NECAB1: variants seen among roughly 807,000 people sequenced by gnomAD.
NECAB1 encodes N-terminal EF-hand calcium-binding protein 1.
NECAB1 carries 29 observed loss-of-function variants against 57.5 expected under a neutral mutation model. That is an observed-to-expected ratio of 0.50 (90% CI 0.38 to 0.69). The LOEUF is 0.69. Among genes scored for constraint, NECAB1 ranks in the 30% least tolerant of loss-of-function variants. The probability of loss-of-function intolerance (pLI) is 0.00; values close to 1 mark genes in which losing one functional copy is unlikely to be tolerated. For missense variants in NECAB1, 372 were observed against 413.8 expected (o/e 0.90, Z 0.88); for synonymous variants, 142 against 147.7 (o/e 0.96, Z 0.28).
chr8:90,818,133 A>G (rs1414432434), intron 2 of NECAB1, among the ~76,000 whole-genome samples: 1 of 151,910 alleles, frequency 6.6e-6, no homozygotes, highest in Non-Finnish European at 1.5e-5. Flanking sequence ...AACAACAATG[A>G]TTAACTCTTC....
At chr8:90,847,895 C>A (rs545656960) in intron 3 of NECAB1, among the ~76,000 whole-genome samples, 1 of 152,328 alleles carries the variant, frequency 6.6e-6, no homozygotes, top group Admixed American at 6.5e-5. Context: ...GGCCTCCAGG[C>A]CTGTGATGGG....
chr8:90,816,980 T>A (rs921358046), intron 2 of NECAB1, among the ~76,000 whole-genome samples: 4 of 151,746 alleles, frequency 2.6e-5, no homozygotes, highest in Admixed American at 2.6e-4. Context: ...AGATCCTATT[T>A]AATTTCTTTC....
At chr8:90,902,302 C>T (rs761987842) in intron 5 of NECAB1, among the ~76,000 whole-genome samples, 1 of 152,134 alleles carries the variant, frequency 6.6e-6, no homozygotes, top group East Asian at 1.9e-4. Flanking sequence ...TGCCTGTAGT[C>T]CCAACTATTC....
chr8:90,934,273 T>C, intron 8 of NECAB1, 31 bp from the exon 9 acceptor site: 2 of 1,478,002 alleles, frequency 1.4e-6, no homozygotes, highest in African/African-American at 1.4e-5. Flanking sequence ...TAATTTTTTT[T>C]CTTTTCTGCC....
chr8:90,886,107 T>C (rs1808979858), intron 5 of NECAB1, among the ~76,000 whole-genome samples: 1 of 152,194 alleles, frequency 6.6e-6, no homozygotes, highest in Non-Finnish European at 1.5e-5. Context: ...GAAATTTAAT[T>C]AGAAAATAAG....
chr8:90,810,002 C>T (rs1180546018), intron 2 of NECAB1, among the ~76,000 whole-genome samples: 2 of 152,158 alleles, frequency 1.3e-5, no homozygotes, highest in Non-Finnish European at 2.9e-5. Context: ...AAGGAAGATA[C>T]TGTCATTGTC....
chr8:90,952,114 G>A (rs563170973), intron 12 of NECAB1, among the ~76,000 whole-genome samples: 2 of 152,156 alleles, frequency 1.3e-5, no homozygotes, highest in Admixed American at 6.5e-5. Flanking sequence ...AGTTTTGAAA[G>A]GGATGGTGAC....
intron 3 of NECAB1, among the ~76,000 whole-genome samples, chr8:90,870,993 C>G (rs1205725448): frequency 3.3e-5 from 5 of 152,088 alleles, no homozygotes; most frequent in Admixed American, 3.3e-4. Context: ...GAATGAAATA[C>G]TGAGTTTAAA....
chr8:90,920,463 G>A (rs1810080210), intron 6 of NECAB1, among the ~76,000 whole-genome samples: 3 of 152,166 alleles, frequency 2.0e-5, no homozygotes, highest in Non-Finnish European at 4.4e-5. Context: ...GATAGAGAGA[G>A]AAAAACTATA....
intron 5 of NECAB1, among the ~76,000 whole-genome samples, chr8:90,905,139 C>A (rs1809607627): frequency 6.6e-6 from 1 of 152,036 alleles, no homozygotes; most frequent in African/African-American, 2.4e-5. Context: ...AGAGAATTTG[C>A]AAAACTTAAC....
At chr8:90,832,234 A>T (rs1563499392) in intron 3 of NECAB1, among the ~76,000 whole-genome samples, 2 of 152,004 alleles carry the variant, frequency 1.3e-5, no homozygotes, top group African/African-American at 4.8e-5. Context: ...GGTTTTAAAA[A>T]CTCTTCTTTC....
At chr8:90,877,401 T>C (rs573431432) in intron 4 of NECAB1, among the ~76,000 whole-genome samples, 3 of 152,290 alleles carry the variant, frequency 2.0e-5, no homozygotes, top group African/African-American at 7.2e-5. Context: ...CCATTGCCCA[T>C]AGTGGTCTCG....
intron 1 of NECAB1, among the ~76,000 whole-genome samples, chr8:90,799,306 T>C (rs1427081520): frequency 6.6e-6 from 1 of 152,174 alleles, no homozygotes; most frequent in Non-Finnish European, 1.5e-5. Context: ...TTTAATTAGG[T>C]CCCACTTGTC....
chr8:90,819,122 C>T (rs1812104102), intron 2 of NECAB1, among the ~76,000 whole-genome samples: 1 of 151,844 alleles, frequency 6.6e-6, no homozygotes, highest in African/African-American at 2.4e-5. Context: ...ATTTCTGTAA[C>T]AGTTTTTATT....
At chr8:90,867,041 G>A (rs1389853506) in intron 3 of NECAB1, among the ~76,000 whole-genome samples, 2 of 152,104 alleles carry the variant, frequency 1.3e-5, no homozygotes, top group South Asian at 2.1e-4. Context: ...AGAAAACGTG[G>A]CACATCTACT....
At chr8:90,835,099 C>T (rs1384993597) in intron 3 of NECAB1, among the ~76,000 whole-genome samples, 1 of 151,696 alleles carries the variant, frequency 6.6e-6, no homozygotes, top group Non-Finnish European at 1.5e-5. Flanking sequence ...ATATTATTTA[C>T]AATTTTATAT....
At chr8:90,836,033 C>A (rs1000836100) in intron 3 of NECAB1, among the ~76,000 whole-genome samples, 27 of 152,178 alleles carry the variant, frequency 1.8e-4, no homozygotes, top group African/African-American at 5.1e-4. Flanking sequence ...TAAACTCAAG[C>A]ACTTTTGAAT....
At chr8:90,804,093 T>C (rs1178737689) in intron 2 of NECAB1, among the ~76,000 whole-genome samples, 2 of 152,208 alleles carry the variant, frequency 1.3e-5, no homozygotes, top group East Asian at 1.9e-4. Context: ...AAGGAACTTA[T>C]GTTACAAGTA....
chr8:90,847,749 CA>C (rs1812596102), intron 3 of NECAB1, among the ~76,000 whole-genome samples: 1 of 152,246 alleles, frequency 6.6e-6, no homozygotes, highest in African/African-American at 2.4e-5. Flanking sequence ...CTTGCACCCT[CA>C]AAAGCCATGG....
Sources: allele counts gnomAD v4.1 joint callset (sites outside exome capture counted in the v4.1 genomes callset), GRCh38; gene constraint gnomAD v4.1.1; transcripts MANE v1.5; gene names NCBI Gene and HGNC (gene_info 2026-07-23, HGNC 2026-07-21).